Variants in AMDHD1 observed in about 807,000 individuals in gnomAD.
The protein encoded by AMDHD1 is probable imidazolonepropionase.
A neutral mutation model predicts 44.1 loss-of-function variants in AMDHD1; 45 were observed. That is an observed-to-expected ratio of 1.02 (90% CI 0.80 to 1.31). The LOEUF (loss-of-function observed/expected upper bound fraction) is 1.31. Among genes scored for constraint, AMDHD1 ranks in the 50% most tolerant of loss-of-function variants. The pLI, the probability that AMDHD1 is intolerant of heterozygous loss-of-function variation, is 0.00. For missense variants in AMDHD1, 586 were observed against 552.1 expected, an observed-to-expected ratio of 1.06 and a Z score of -0.61; for synonymous variants, 206 against 205.0, an observed-to-expected ratio of 1.00 and a Z score of -0.04.
intron 7 of AMDHD1, 43 bp downstream of exon 7, chr12:95,965,822 C>A: frequency 8.1e-7 from 1 of 1,234,960 alleles, no homozygotes; most frequent in Non-Finnish European, 1.1e-6. Flanking sequence ...GAGTATCTAC[C>A]AAGCATATAA....
At chr12:95,958,582 T>C (rs989702967) in intron 4 of AMDHD1, among the ~76,000 whole-genome samples, 11 of 152,200 alleles carry the variant, frequency 7.2e-5, no homozygotes, top group Non-Finnish European at 1.3e-4. Context: ...GAAAGGATAG[T>C]GTGGCATGGT....
Position 95,967,742 on chromosome 12 carries a change from T to TG in AMDHD1, c.1194-14_1194-13insG, listed in dbSNP as rs754804594. 2.6e-6 allele frequency: 4 copies of TG among 1,541,166 alleles called. No homozygotes were observed. The highest frequency in any genetic ancestry group is 2.6e-6 in the Non-Finnish European group (3 of 1,146,912). On this transcript the variant is annotated splice_polypyrimidine_tract_variant and intron_variant, in intron 8 of 8. Transcript: ENST00000266736. ...CATTGAAGTAATATTTGTTGTTTTT[T>TG]TTTTTTTTTCTAGATGGGAGCATTT...
chr12:95,954,253 A>AGG (rs1289020793), intron 2 of AMDHD1, among the ~76,000 whole-genome samples: 2 of 152,258 alleles, frequency 1.3e-5, no homozygotes, highest in Non-Finnish European at 2.9e-5. Context: ...TTTGCCAACT[A>AGG]GGGGGCTTGA....
chr12:95,945,027 GGGAGGCTGA>G (rs1172874774), intron 1 of AMDHD1, among the ~76,000 whole-genome samples: 1 of 152,106 alleles, frequency 6.6e-6, no homozygotes, highest in Non-Finnish European at 1.5e-5. Flanking sequence ...CCAGCTACTC[GGGAGGCTGA>G]GGCAGGAGAA....
At chr12:95,951,665 C>G (rs2080526242) in intron 1 of AMDHD1, among the ~76,000 whole-genome samples, 1 of 152,138 alleles carries the variant, frequency 6.6e-6, no homozygotes. Context: ...AACTTTCATA[C>G]TCTCCATAGT....
chr12:95,945,218 C>T (rs1473941470), intron 1 of AMDHD1, among the ~76,000 whole-genome samples: 1 of 152,136 alleles, frequency 6.6e-6, no homozygotes, highest in Non-Finnish European at 1.5e-5. Flanking sequence ...TCTATGTTCA[C>T]ATCAAAACCA....
chr12:95,967,753 T>TTTTA lies in AMDHD1; in HGVS notation c.1194-3_1194-2insTTTA. On this transcript the variant is annotated splice_region_variant and splice_polypyrimidine_tract_variant and intron_variant, in intron 8 of 8. Transcript: ENST00000266736. ...TATTTGTTGTTTTTTTTTTTTTTTCTAGATGGGAGCATTTGATTTACCAGT... is the reference window on the plus strand; with the variant it reads ...TATTTGTTGTTTTTTTTTTTTTTTCTTTTAAGATGGGAGCATTTGATTTACCAGT... 6.5e-7 allele frequency: 1 copy of TTTTA among 1,526,960 alleles called. No homozygotes were observed. Among genetic ancestry groups the TTTTA allele is most frequent in the East Asian group, 2.3e-5 (1 of 43,150 alleles). 94.6% of individuals were successfully genotyped at this position (1,526,960 alleles called of 1,614,324 possible).
chr12:95,952,892 A>G, intron 2 of AMDHD1, 69 bp downstream of exon 2: 1 of 865,142 alleles, frequency 1.2e-6, no homozygotes, highest in Non-Finnish European at 1.9e-6. Flanking sequence ...GTAAAGAGGA[A>G]GAGTAACAGC....
chr12:95,966,495 A>T lies in AMDHD1; in HGVS notation c.1180A>T (p.Ile394Phe). Residue 394 changes from isoleucine to phenylalanine, a missense_variant, in exon 8 of 9, where the codon ATC (isoleucine) becomes TTC (phenylalanine). By Grantham distance (21) the Ile-to-Phe change is conservative. Transcript: ENST00000266736. ...TGGCAAACAGGGAGATCTCATTATC[A>T]TCAATTCATCCCGGTGAGTGTGCTT... ...EVGKQGDLII[I>F]NSSRWEHLIY... is the part of the protein sequence containing the mutation. The T allele has an allele frequency of 6.2e-7, 1 of 1,614,224 alleles. No homozygotes were observed. The highest frequency in any genetic ancestry group is 8.5e-7 in the Non-Finnish European group (1 of 1,180,042).
chr12:95,954,176 T>C (rs567979091), intron 2 of AMDHD1, among the ~76,000 whole-genome samples: 1 of 152,210 alleles, frequency 6.6e-6, no homozygotes, highest in South Asian at 2.1e-4. Context: ...CTTCTCAGAG[T>C]TGCAGGGGGA....
Position 95,968,071 on chromosome 12 carries a change from C to T in AMDHD1, c.*228C>T. 3 of 305,112 alleles carry T rather than the reference C, an allele frequency of 9.8e-6. No homozygotes were observed. The highest frequency in any genetic ancestry group is 1.8e-5 in the Non-Finnish European group (3 of 167,208). The allele number at this position is 305,112 out of a possible 1,614,324, so 18.9% of individuals were successfully genotyped here. ...ATTGTGATTAAAATCACAAAACATC[C>T]AATTAGTTCACAAATATTGGTTACA... On this transcript the variant is annotated 3_prime_UTR_variant, in exon 9 of 9. Coordinates refer to ENST00000266736, the MANE Select transcript of AMDHD1 (RefSeq NM_152435.3).
chr12:95,961,293 A>G (rs1196117201), intron 5 of AMDHD1, among the ~76,000 whole-genome samples: 2 of 152,252 alleles, frequency 1.3e-5, no homozygotes, highest in Non-Finnish European at 2.9e-5. Flanking sequence ...GGCAGCATCC[A>G]AATCATTTTA....
At chr12:95,943,687 A>T in intron 1 of AMDHD1, 152 bp downstream of exon 1, 1 of 1,148,014 alleles carries the variant, frequency 8.7e-7, no homozygotes, top group Non-Finnish European at 1.1e-6. Flanking sequence ...TGTTGCTAAC[A>T]CGCTCTGCTG....
In AMDHD1 at chr12:95,965,730, T is replaced by C. The variant is rs1364244243; in HGVS notation, c.983T>C (p.Ile328Thr). 1.9e-6 allele frequency: 3 copies of C among 1,613,294 alleles called. No homozygotes were observed. The highest frequency in any genetic ancestry group is 1.3e-5 in the African/African-American group (1 of 74,910). The change falls in exon 7 of 9, where the codon ATA becomes ACA. Residue 328 changes from isoleucine (I) to threonine (T), a missense_variant. Ile to Thr is a moderately conservative substitution (Grantham distance 89, BLOSUM62 -1). Coordinates refer to ENST00000266736, the MANE Select transcript of AMDHD1 (RefSeq NM_152435.3). ...RARKMLDEGVIVALGSDFNPN... is the reference protein window; with the variant it reads ...RARKMLDEGVTVALGSDFNPN... ...AGGAAGATGTTAGATGAAGGAGTAA[T>C]AGTTGCTCTGGGAAGTGATTTCAAC... is the stretch of plus-strand genomic sequence containing the variant.
At chr12:95,956,127 G>A (rs868143714) in intron 3 of AMDHD1, among the ~76,000 whole-genome samples, 5 of 151,704 alleles carry the variant, frequency 3.3e-5, no homozygotes, top group African/African-American at 1.2e-4. Context: ...TTTGTTTTTT[G>A]AGATAGAGTC....
chr12:95,955,545 A>T (rs1441114546), intron 3 of AMDHD1, among the ~76,000 whole-genome samples: 1 of 152,200 alleles, frequency 6.6e-6, no homozygotes. Context: ...TTCAGCTATC[A>T]TGTACCTGCT....
At chr12:95,951,574 T>C (rs1443978253) in intron 1 of AMDHD1, among the ~76,000 whole-genome samples, 2 of 152,238 alleles carry the variant, frequency 1.3e-5, no homozygotes, top group African/African-American at 4.8e-5. Context: ...CTCTTTAATA[T>C]ACTGACTTCC....
chr12:95,945,967 G>C (rs573940766), intron 1 of AMDHD1, among the ~76,000 whole-genome samples: 54 of 152,172 alleles, frequency 3.5e-4, no homozygotes, highest in Non-Finnish European at 6.8e-4. Context: ...CTCAGTGATT[G>C]TCTGCCATAG....
chr12:95,955,100 G>T, intron 3 of AMDHD1, 125 bp downstream of exon 3: 2 of 928,932 alleles, frequency 2.2e-6, no homozygotes, highest in Non-Finnish European at 3.3e-6. Context: ...ATTTTTACTT[G>T]CTTGGGTATG....
Sources: gnomAD v4.1 joint callset for allele counts (sites outside exome capture counted in the v4.1 genomes callset) on GRCh38, gnomAD v4.1.1 for gene constraint, MANE v1.5 for transcripts, NCBI Gene and HGNC (gene_info 2026-07-23, HGNC 2026-07-21) for gene names.